MBOAT2: variants seen among roughly 807,000 people sequenced by gnomAD.
MBOAT2 encodes membrane-bound glycerophospholipid O-acyltransferase 2.
Under a neutral mutation model 63.4 loss-of-function variants are expected in MBOAT2, and 28 were observed. The ratio of observed to expected loss-of-function variants is 0.44; its 90% CI spans 0.33 to 0.61. The LOEUF is 0.61. Ranked by LOEUF, MBOAT2 falls within the 20% of genes least tolerant of loss-of-function variation. The pLI is 0.03. For missense variants in MBOAT2, 470 were observed against 605.8 expected (o/e 0.78, Z 2.35); for synonymous variants, 211 against 215.6 (o/e 0.98, Z 0.19).
At chr2:8,930,066 C>T (rs1667209945) in intron 3 of MBOAT2, among the ~76,000 whole-genome samples, 1 of 152,158 alleles carries the variant, frequency 6.6e-6, no homozygotes, top group Admixed American at 6.5e-5. Flanking sequence ...TGTCCCAGTT[C>T]CAATTCCTTG....
At chr2:8,901,943 T>TAG (rs1239098739) in intron 4 of MBOAT2, among the ~76,000 whole-genome samples, 2 of 152,160 alleles carry the variant, frequency 1.3e-5, no homozygotes, top group Non-Finnish European at 2.9e-5. Context: ...AGGGTCAGGA[T>TAG]AGATAGGATA....
At chr2:8,899,886 TTAA>T (rs1429992400) in intron 4 of MBOAT2, among the ~76,000 whole-genome samples, 1 of 152,206 alleles carries the variant, frequency 6.6e-6, no homozygotes, top group Non-Finnish European at 1.5e-5. Context: ...GTTGCCAGGT[TTAA>T]TAATGCCTCC....
intron 4 of MBOAT2, among the ~76,000 whole-genome samples, chr2:8,892,677 G>C (rs1343367907): frequency 6.6e-6 from 1 of 152,158 alleles, no homozygotes; most frequent in African/African-American, 2.4e-5. Context: ...GCAGGGTAAG[G>C]GGCCTAAGGA....
At chr2:8,934,466 C>T (rs1183284002) in intron 3 of MBOAT2, among the ~76,000 whole-genome samples, 2 of 152,174 alleles carry the variant, frequency 1.3e-5, no homozygotes, top group Non-Finnish European at 2.9e-5. Context: ...CACACACAAA[C>T]CTGTAAGTGC....
chr2:8,883,818 A>G (rs1050134843), intron 5 of MBOAT2, among the ~76,000 whole-genome samples: 2 of 152,216 alleles, frequency 1.3e-5, no homozygotes, highest in Non-Finnish European at 2.9e-5. Context: ...AAAAAAAGTA[A>G]CAACCTATAT....
At chr2:8,875,673 G>A (rs752119625) in intron 7 of MBOAT2, among the ~76,000 whole-genome samples, 7 of 152,092 alleles carry the variant, frequency 4.6e-5, no homozygotes, top group South Asian at 2.1e-4. Context: ...CAGCATTCCC[G>A]AATAAACTTC....
At chr2:8,865,272 A>G (rs982903264) in intron 9 of MBOAT2, among the ~76,000 whole-genome samples, 2 of 152,102 alleles carry the variant, frequency 1.3e-5, no homozygotes, top group South Asian at 2.1e-4. Context: ...TACCCCATCT[A>G]TATCTCTGGT....
At position 8,862,828 on chromosome 2, in the gene MBOAT2, G is replaced by A; in HGVS notation, c.1053-106C>T. On this transcript the variant is annotated intron_variant, in intron 10 of 12. Coordinates refer to ENST00000305997, the MANE Select transcript of MBOAT2 (RefSeq NM_138799.4). The surrounding 1 kb of genome is among the most constrained non-coding windows in gnomAD (Gnocchi z 4.3). ...TACCTGACAGGATTTAGGGTAACTA[G>A]AAAAACAAATACAACTTATCTTAGG... The A allele has an allele frequency of 9.6e-6, 13 of 1,349,104 alleles. No individual in the cohort carries two copies. The highest frequency in any genetic ancestry group is 1.3e-5 in the Non-Finnish European group (13 of 1,006,176). 83.6% of individuals were successfully genotyped at this position (1,349,104 alleles called of 1,614,324 possible). A position where few individuals can be genotyped will look rare whatever the true frequency, so the allele number is the denominator to read the frequency against.
chr2:8,859,196 T>C (rs1661323607), intron 12 of MBOAT2, among the ~76,000 whole-genome samples: 1 of 152,096 alleles, frequency 6.6e-6, no homozygotes, highest in South Asian at 2.1e-4. Context: ...AACAAAAATG[T>C]ACATATTAAT....
chr2:8,925,209 A>C (rs183537263), intron 3 of MBOAT2, among the ~76,000 whole-genome samples: 1 of 151,452 alleles, frequency 6.6e-6, no homozygotes, highest in East Asian at 1.9e-4. Context: ...ATTAGAACCT[A>C]TCACTGACTG....
At chr2:8,967,604 T>C (rs1312923065) in intron 1 of MBOAT2, among the ~76,000 whole-genome samples, 2 of 152,208 alleles carry the variant, frequency 1.3e-5, no homozygotes, top group East Asian at 3.8e-4. Context: ...TATTGAAATA[T>C]AAACATGTGA....
rs757808251 is a variant in MBOAT2, at chr2:8,873,277, T to C, written c.714A>G (p.Leu238=). The C allele has an allele frequency of 6.2e-7, 1 of 1,613,796 alleles. No individual in the cohort carries two copies. Among genetic ancestry groups the C allele is most frequent in the Non-Finnish European group, 8.5e-7 (1 of 1,179,798 alleles). The change falls in exon 8 of 13, where the codon TTA becomes TTG. Residue 238 remains leucine, a synonymous_variant. Coordinates refer to ENST00000305997, the MANE Select transcript of MBOAT2 (RefSeq NM_138799.4). ...SPNTAVVQKL[L]VCGLSLLFHL... is the part of the protein sequence containing the mutation. Reference sequence around the variant, plus strand: ...GAAATAACAAGGACAGCCCACAAACTAAGAGCTTCTGAACAACCGCAGTCT... The same window carrying C: ...GAAATAACAAGGACAGCCCACAAACCAAGAGCTTCTGAACAACCGCAGTCT...
chr2:8,893,459 A>C (rs1481898328), intron 4 of MBOAT2, among the ~76,000 whole-genome samples: 1 of 152,244 alleles, frequency 6.6e-6, no homozygotes, highest in Admixed American at 6.5e-5. Flanking sequence ...ACGGTTACCT[A>C]TAAAACACAA....
In MBOAT2 at chr2:8,977,151, A is replaced by C. The variant is rs1016474368; in HGVS notation, c.76-18509T>G. ...AGCCTTATGGGTGGATACCTATGTC[A>C]AAACACCAAATTTTACACTTTTACT... On this transcript the variant is annotated intron_variant, in intron 1 of 12. Transcript: ENST00000305997. Among the ~76,000 whole-genome samples, 17 of 152,224 alleles carry C rather than the reference A, an allele frequency of 1.1e-4. No individual in the cohort carries two copies. The East Asian group carries it at 2.3e-3, about 21-fold the overall frequency.
At chr2:8,984,185 A>AT (rs1671392359) in intron 1 of MBOAT2, among the ~76,000 whole-genome samples, 1 of 152,208 alleles carries the variant, frequency 6.6e-6, no homozygotes, top group Non-Finnish European at 1.5e-5. Context: ...GTTTCCACTT[A>AT]CACGAAGTAT....
At chr2:8,864,999 A>T (rs2148512192) in intron 9 of MBOAT2, among the ~76,000 whole-genome samples, 1 of 152,110 alleles carries the variant, frequency 6.6e-6, no homozygotes, top group East Asian at 1.9e-4. Context: ...CTAATTCCAG[A>T]TCAAACACAC....
chr2:8,880,150 G>A (rs779895601), intron 6 of MBOAT2, among the ~76,000 whole-genome samples: 4 of 151,982 alleles, frequency 2.6e-5, no homozygotes, highest in African/African-American at 9.7e-5. Context: ...CTGAAAAGTA[G>A]GCTGCACAGG....
At chr2:8,972,218 T>A (rs1316600659) in intron 1 of MBOAT2, among the ~76,000 whole-genome samples, 3 of 151,978 alleles carry the variant, frequency 2.0e-5, no homozygotes, top group Non-Finnish European at 4.4e-5. Context: ...ATACCACACA[T>A]CTACAACCAT....
chr2:8,873,061 G>T, intron 8 of MBOAT2, 47 bp downstream of exon 8: 1 of 1,552,728 alleles, frequency 6.4e-7, no homozygotes, highest in East Asian at 2.3e-5. Context: ...GACAAGGTAA[G>T]AAACGCTTCA....
Sources: gnomAD v4.1 joint callset for allele counts (sites outside exome capture counted in the v4.1 genomes callset) on GRCh38, gnomAD v4.1.1 for gene constraint, Gnocchi (gnomAD v3.1) non-coding constraint, MANE v1.5 for transcripts, NCBI Gene and HGNC (gene_info 2026-07-23, HGNC 2026-07-21) for gene names.